TSBP1: variants seen among roughly 807,000 people sequenced by gnomAD.
TSBP1 encodes the protein testis expressed basic protein 1.
In TSBP1, 56 loss-of-function variants were observed where a neutral mutation model predicts 68.8. The ratio of observed to expected loss-of-function variants is 0.81; its 90% CI spans 0.66 to 1.02. The LOEUF (loss-of-function observed/expected upper bound fraction) is 1.02. Ranked by LOEUF, TSBP1 falls within the 50% of genes least tolerant of loss-of-function variation. TSBP1 has a pLI of 0.00. For missense variants in TSBP1, 502 were observed against 641.2 expected (o/e 0.78, Z 2.34); for synonymous variants, 171 against 208.7 (o/e 0.82, Z 1.56).
chr6:32,295,349 C>CAAAAAAAAAAA (rs3038432), intron 22 of TSBP1, among the ~76,000 whole-genome samples: 1 of 90,846 alleles, frequency 1.1e-5, no homozygotes, highest in Non-Finnish European at 2.4e-5. Flanking sequence ...CACACACACA[C>CAAAAAAAAAAA]AAAAAAAAAA....
At chr6:32,344,633 A>G (rs1258858613) in intron 9 of TSBP1, among the ~76,000 whole-genome samples, 3 of 152,090 alleles carry the variant, frequency 2.0e-5, no homozygotes, top group Admixed American at 6.5e-5. Flanking sequence ...CAGAAAAAAA[A>G]TCCCTCACAC....
chr6:32,294,808 G>A (rs988785000), intron 22 of TSBP1, among the ~76,000 whole-genome samples: 3 of 152,040 alleles, frequency 2.0e-5, no homozygotes, highest in African/African-American at 4.8e-5. Context: ...CAGCTGTTAC[G>A]TCTCAATTCC....
chr6:32,297,935 G>C (rs748354068), intron 22 of TSBP1, among the ~76,000 whole-genome samples: 14 of 152,168 alleles, frequency 9.2e-5, no homozygotes, highest in Non-Finnish European at 1.9e-4. Context: ...TGGGAAAAAT[G>C]TGTTTGAAAG....
chr6:32,295,842 C>CTT (rs535371646), intron 22 of TSBP1, among the ~76,000 whole-genome samples: 24 of 125,292 alleles, frequency 1.9e-4, no homozygotes, highest in Admixed American at 3.2e-4. Context: ...AGGAAAATTT[C>CTT]TTTTTTTTTT....
rs138501635 is a variant in TSBP1, at chr6:32,312,290, T to C, written c.580+3482A>G. Among the ~76,000 whole-genome samples the C allele has an allele frequency of 1.1e-3, 175 of 152,230 alleles. 2 individuals are homozygous for C. Among genetic ancestry groups the C allele is most frequent in the Admixed American group, 4.3e-3 (66 of 15,292 alleles). ...GAGATTGCATGCCCCAAATCCATCC[T>C]CTCAGCCTCAACAGTGGGAATTATA... On this transcript the variant is annotated intron_variant, in intron 19 of 22. Transcript: ENST00000612031.
At chr6:32,339,147 G>T in intron 10 of TSBP1, 148 bp from the exon 12 acceptor site, 1 of 702,614 alleles carries the variant, frequency 1.4e-6, no homozygotes, top group Non-Finnish European at 2.6e-6. Context: ...TTTTTCCTTA[G>T]GAGACTGTTA....
intron 4 of TSBP1, 132 bp from the exon 5 acceptor site, chr6:32,366,434 A>G: frequency 1.1e-6 from 1 of 920,124 alleles, no homozygotes; most frequent in Non-Finnish European, 1.7e-6. Flanking sequence ...TAGGAAAGAA[A>G]AAAACATATT....
At chr6:32,334,592 T>C (rs1296155674) in intron 14 of TSBP1, among the ~76,000 whole-genome samples, 4 of 152,152 alleles carry the variant, frequency 2.6e-5, no homozygotes, top group African/African-American at 9.7e-5. Context: ...ATTTGAATGT[T>C]GTTTAGATGC....
intron 9 of TSBP1, among the ~76,000 whole-genome samples, chr6:32,342,352 G>A (rs1227843708): frequency 3.3e-5 from 5 of 151,880 alleles, no homozygotes; most frequent in Admixed American, 1.3e-4. Flanking sequence ...TGGTAGAGAC[G>A]GGGTTTCAGC....
rs1765440568 is a variant in TSBP1, at chr6:32,302,840, G to T, written c.581-211C>A. On this transcript the variant is annotated intron_variant, in intron 19 of 22. Coordinates refer to ENST00000612031, the Ensembl canonical transcript of TSBP1. The surrounding 1 kb of genome is among the most constrained non-coding windows in gnomAD (Gnocchi z 5.1). Reference sequence around the variant, plus strand: ...CCTTTATGTGGTCCAACTTATTGTTGTCTCTCTAATTGAGCTCTCTGCTTT... The same window carrying T: ...CCTTTATGTGGTCCAACTTATTGTTTTCTCTCTAATTGAGCTCTCTGCTTT... 6.6e-6 allele frequency among the ~76,000 whole-genome samples: 1 copy of T among 152,126 alleles called. No individual in the cohort carries two copies. The highest frequency in any genetic ancestry group is 1.5e-5 in the Non-Finnish European group (1 of 68,026).
intron 16 of TSBP1, among the ~76,000 whole-genome samples, chr6:32,330,057 T>C (rs1177342000): frequency 6.6e-6 from 1 of 152,074 alleles, no homozygotes; most frequent in East Asian, 1.9e-4. Context: ...CGCGCACGTG[T>C]GTTGGGGATG....
At chr6:32,293,329 T>A in exon 23 of TSBP1, 1 of 1,612,826 alleles carries the variant, frequency 6.2e-7, no homozygotes, top group Non-Finnish European at 8.5e-7. Context: ...TCAGTACACC[T>A]GCCTCACTCT....
At chr6:32,330,408 T>C (rs550106518) in intron 16 of TSBP1, among the ~76,000 whole-genome samples, 181 bp downstream of exon 17, 1 of 151,722 alleles carries the variant, frequency 6.6e-6, no homozygotes, top group South Asian at 2.1e-4. Context: ...CTTTTTCTTT[T>C]AAAAAAAATA....
chr6:32,297,245 G>T (rs1764810446), intron 22 of TSBP1, among the ~76,000 whole-genome samples: 1 of 151,970 alleles, frequency 6.6e-6, no homozygotes, highest in African/African-American at 2.4e-5. Flanking sequence ...ATAATATAAA[G>T]ACTTGGAAGC....
chr6:32,341,819 A>G (rs1442851427), intron 9 of TSBP1, among the ~76,000 whole-genome samples: 1 of 152,176 alleles, frequency 6.6e-6, no homozygotes, highest in Non-Finnish European at 1.5e-5. Context: ...ATGAAATATG[A>G]TATATTTAAT....
chr6:32,313,635 C>A (rs28366179), intron 19 of TSBP1, among the ~76,000 whole-genome samples: 21,440 of 151,684 alleles, frequency 0.14, 1,677 homozygotes, highest in Admixed American at 0.17. Flanking sequence ...TTTCTTATTC[C>A]TTGGGGGCTA....
At chr6:32,313,741 A>T (rs1278996885) in intron 19 of TSBP1, among the ~76,000 whole-genome samples, 3 of 152,172 alleles carry the variant, frequency 2.0e-5, no homozygotes, top group Non-Finnish European at 2.9e-5. Flanking sequence ...CCACTGAACC[A>T]GATCTCAGCT....
chr6:32,358,036 G>A (rs1164579718), intron 6 of TSBP1, among the ~76,000 whole-genome samples: 1 of 152,124 alleles, frequency 6.6e-6, no homozygotes, highest in Non-Finnish European at 1.5e-5. Context: ...GGACAGCCAG[G>A]GAGGGATTTT....
chr6:32,319,564 G>T (rs1359679221), intron 18 of TSBP1, among the ~76,000 whole-genome samples: 4 of 151,922 alleles, frequency 2.6e-5, no homozygotes. Flanking sequence ...TGTCGCTCTG[G>T]CCCTACCTCC....
Sources: allele counts gnomAD v4.1 joint callset (sites outside exome capture counted in the v4.1 genomes callset), GRCh38; gene constraint gnomAD v4.1.1; non-coding constraint Gnocchi (gnomAD v3.1); transcripts MANE v1.5; gene names NCBI Gene and HGNC (gene_info 2026-07-23, HGNC 2026-07-21).